Variants in XRCC4 observed in about 807,000 individuals in gnomAD.
XRCC4 encodes X-ray repair cross complementing 4, also known as DNA repair protein XRCC4.
A neutral mutation model predicts 39.1 loss-of-function variants in XRCC4; 28 were observed. The observed-to-expected ratio is 0.72, with a 90% CI of 0.53 to 0.98. The LOEUF is 0.98. XRCC4 is among the 50% of genes least tolerant of loss of function. The pLI, the probability that XRCC4 is intolerant of heterozygous loss-of-function variation, is 0.00. For missense variants in XRCC4, 350 were observed against 376.4 expected, an observed-to-expected ratio of 0.93 and a Z score of 0.58; for synonymous variants, 123 against 126.4, an observed-to-expected ratio of 0.97 and a Z score of 0.18.
At chr5:83,176,995 GTTTC>G (rs1457069307) in intron 3 of XRCC4, among the ~76,000 whole-genome samples, 3 of 151,982 alleles carry the variant, frequency 2.0e-5, no homozygotes, top group African/African-American at 7.2e-5. Flanking sequence ...TAAAATATTT[GTTTC>G]TTAATATTAT....
At chr5:83,254,803 T>C (rs1353551465) in intron 6 of XRCC4, among the ~76,000 whole-genome samples, 1 of 152,108 alleles carries the variant, frequency 6.6e-6, no homozygotes, top group Non-Finnish European at 1.5e-5. Context: ...TTGAAAAATG[T>C]AGACCAGGCG....
At chr5:83,107,368 C>T (rs11750836) in intron 2 of XRCC4, among the ~76,000 whole-genome samples, 63,632 of 150,746 alleles carry the variant, frequency 0.42, 14,004 homozygotes, top group African/African-American at 0.52. Flanking sequence ...GATTTCCTTC[C>T]GATACCTCAT....
intron 3 of XRCC4, among the ~76,000 whole-genome samples, chr5:83,195,225 C>A (rs141445457): frequency 1.8e-3 from 269 of 152,102 alleles, no homozygotes; most frequent in Admixed American, 5.2e-3. Flanking sequence ...AAGCTTGACA[C>A]TTAACTTTAT....
At chr5:83,233,685 C>T (rs957778269) in intron 6 of XRCC4, among the ~76,000 whole-genome samples, 3 of 146,056 alleles carry the variant, frequency 2.1e-5, no homozygotes, top group Non-Finnish European at 4.5e-5. Context: ...ATCAGGAGTT[C>T]AAGACCAGCC....
intron 7 of XRCC4, chr5:83,259,378 A>T (rs1753671379): frequency 1.3e-5 from 2 of 152,182 alleles, no homozygotes; most frequent in South Asian, 4.1e-4. Flanking sequence ...TTATTGAATG[A>T]TGATGCTGTG....
chr5:83,282,687 A>G (rs1754587303), intron 7 of XRCC4, among the ~76,000 whole-genome samples: 1 of 151,922 alleles, frequency 6.6e-6, no homozygotes, highest in Admixed American at 6.6e-5. Flanking sequence ...CTAAAAATAC[A>G]AAAAATTAGC....
chr5:83,177,339 A>G (rs1047687925), intron 3 of XRCC4, among the ~76,000 whole-genome samples: 2 of 152,098 alleles, frequency 1.3e-5, no homozygotes. Context: ...CTTAATTTTT[A>G]GTACTTAACG....
intron 7 of XRCC4, among the ~76,000 whole-genome samples, chr5:83,259,941 A>G (rs1422840437): frequency 1.3e-5 from 2 of 152,092 alleles, no homozygotes; most frequent in Non-Finnish European, 2.9e-5. Flanking sequence ...CCTAGTGGGA[A>G]CATGTTTTAG....
chr5:83,357,427 T>C (rs1202932546), downstream of XRCC4, among the ~76,000 whole-genome samples: 1 of 151,810 alleles, frequency 6.6e-6, no homozygotes, highest in Non-Finnish European at 1.5e-5. Flanking sequence ...CATAAAAGAT[T>C]CAATTAAGAG....
intron 7 of XRCC4, among the ~76,000 whole-genome samples, chr5:83,345,711 C>T (rs1337131087): frequency 2.0e-5 from 3 of 152,028 alleles, no homozygotes; most frequent in East Asian, 1.9e-4. Context: ...CTATTCCGGC[C>T]GTAGTGATAC....
In XRCC4 at chr5:83,203,705, A is replaced by G. The variant is rs1433772321; in HGVS notation, c.636A>G (p.Glu212=). The G allele has an allele frequency of 3.7e-6, 6 of 1,608,274 alleles. No individual in the cohort carries two copies. The South Asian group carries it at 6.7e-5, about 18-fold the overall frequency. The change falls in exon 5 of 8, where the codon GAA becomes GAG. Residue 212 remains glutamate, a splice_region_variant and synonymous_variant. Transcript: ENST00000396027. ...AACGAGAAAAGGACATCAAACAAGA[A>G]GGGTATTTTCGCTATCTTGTTTTTG... The part of the protein sequence containing the change: ...AQEREKDIKQ[E]GETAICSEMT...
In XRCC4 at chr5:83,288,476, T is replaced by C. The variant is rs548980971; in HGVS notation, c.893+29799T>C. Among the ~76,000 whole-genome samples the C allele has an allele frequency of 2.0e-5, 3 of 152,060 alleles. No individual in the cohort carries two copies. The South Asian group carries it at 6.2e-4, about 31-fold the overall frequency. ...GTTGCATACAGGCTTAGGATTATTA[T>C]ATGTTCTTGTCTATTATGTCTTATT... is the stretch of plus-strand genomic sequence containing the variant. On this transcript the variant is annotated intron_variant, in intron 7 of 7. Coordinates refer to ENST00000396027, the MANE Select transcript of XRCC4 (RefSeq NM_003401.5).
chr5:83,095,280 CAG>C (rs1745624774), intron 1 of XRCC4, among the ~76,000 whole-genome samples: 1 of 152,148 alleles, frequency 6.6e-6, no homozygotes, highest in Non-Finnish European at 1.5e-5. Flanking sequence ...TGAATGGACA[CAG>C]AAATTTCCTC....
chr5:83,161,570 C>T (rs900466177), intron 3 of XRCC4, among the ~76,000 whole-genome samples: 1 of 152,012 alleles, frequency 6.6e-6, no homozygotes, highest in African/African-American at 2.4e-5. Context: ...TTAATATATC[C>T]AATTTCTATG....
intron 3 of XRCC4, among the ~76,000 whole-genome samples, chr5:83,173,523 A>G (rs1197855466): frequency 6.6e-6 from 1 of 152,172 alleles, no homozygotes; most frequent in Non-Finnish European, 1.5e-5. Context: ...AAGTCTTTCT[A>G]GATTGTATAG....
rs1485354500 is a variant in XRCC4 at position 83,209,079 on chromosome 5, A to AGTGAGT, written c.745+4162_745+4167dup. On this transcript the variant is annotated intron_variant, in intron 6 of 7. Coordinates refer to ENST00000396027, the MANE Select transcript of XRCC4 (RefSeq NM_003401.5). ...TAGTCTGGACTCCTCCTGCCTCCAA[A>AGTGAGT]GTGAGTGTGTGTGTGTGTGTGTGTG... Among the ~76,000 whole-genome samples the AGTGAGT allele has an allele frequency of 2.0e-3, 146 of 71,594 alleles. 1 individual carries two copies. Among genetic ancestry groups the AGTGAGT allele is most frequent in the African/African-American group, 7.5e-3 (131 of 17,560 alleles). The allele number at this position is 71,594 out of a possible 152,430, so 47.0% of individuals were successfully genotyped here.
intron 7 of XRCC4, among the ~76,000 whole-genome samples, chr5:83,350,696 T>C (rs1757054625): frequency 6.6e-6 from 1 of 152,184 alleles, no homozygotes; most frequent in Non-Finnish European, 1.5e-5. Context: ...TTGAGGATAT[T>C]TTCTCCTATT....
chr5:83,263,193 C>T (rs1339012231), intron 7 of XRCC4, among the ~76,000 whole-genome samples: 1 of 150,494 alleles, frequency 6.6e-6, no homozygotes, highest in Non-Finnish European at 1.5e-5. Context: ...TTTATGGCTG[C>T]ATAGTATTCC....
In XRCC4 at chr5:83,223,616, C is replaced by T. The variant is rs1467328351; in HGVS notation, c.745+18695C>T. Among the ~76,000 whole-genome samples, 3 of 151,280 alleles carry T rather than the reference C, an allele frequency of 2.0e-5. 1 individual carries two copies. In the South Asian group the frequency reaches 6.3e-4, roughly 32 times the overall value. ...ATCAACCCTCTTTCAGTCTGTATGA[C>T]CTTACAGATGAAGTGAGTCTATTGT... is the stretch of plus-strand genomic sequence containing the variant. On this transcript the variant is annotated intron_variant, in intron 6 of 7. Transcript: ENST00000396027.
Sources: gnomAD v4.1 joint callset for allele counts (sites outside exome capture counted in the v4.1 genomes callset) on GRCh38, gnomAD v4.1.1 for gene constraint, MANE v1.5 for transcripts, NCBI Gene and HGNC (gene_info 2026-07-23, HGNC 2026-07-21) for gene names.